The following RBFOX1 variants were observed in gnomAD, a reference collection of about 807,000 sequenced individuals.
The protein encoded by RBFOX1 is RNA binding protein fox-1 homolog 1.
RBFOX1 carries 8 observed loss-of-function variants against 57.7 expected under a neutral mutation model. That is an observed-to-expected ratio of 0.14 (90% CI 0.08 to 0.25). The LOEUF (loss-of-function observed/expected upper bound fraction) is 0.25. Ranked by LOEUF, RBFOX1 falls within the 10% of genes least tolerant of loss-of-function variation. The pLI is 1.00. For missense variants in RBFOX1, 611 were observed against 548.5 expected (o/e 1.11, Z -1.14); for synonymous variants, 326 against 222.4 (o/e 1.47, Z -4.15).
At chr16:5,915,456 C>A (rs17138927) in intron 4 of RBFOX1, among the ~76,000 whole-genome samples, 1,785 of 152,258 alleles carry the variant, frequency 0.012, 36 homozygotes, top group African/African-American at 0.041. Flanking sequence ...CCTACTTATT[C>A]CTTGGGGCTA....
intron 3 of RBFOX1, among the ~76,000 whole-genome samples, chr16:6,885,295 T>C (rs911392883): frequency 6.6e-6 from 1 of 152,162 alleles, no homozygotes; most frequent in Non-Finnish European, 1.5e-5. Context: ...GTGTTCTCTA[T>C]CCTCGCTGCA....
chr16:7,046,240 GT>G (rs2047894313), intron 3 of RBFOX1, among the ~76,000 whole-genome samples: 2 of 127,892 alleles, frequency 1.6e-5, no homozygotes, highest in African/African-American at 7.4e-5. Flanking sequence ...GTAAAGGGGT[GT>G]GTGTGTGTGT....
chr16:6,303,919 C>T (rs1377602954), intron 1 of RBFOX1, among the ~76,000 whole-genome samples: 1 of 139,520 alleles, frequency 7.2e-6, no homozygotes, highest in Non-Finnish European at 1.5e-5. Context: ...TCAAGTGATT[C>T]TCTTGCCTCA....
chr16:6,495,375 C>A (rs771915289), intron 2 of RBFOX1, among the ~76,000 whole-genome samples: 6 of 151,822 alleles, frequency 4.0e-5, no homozygotes, highest in Admixed American at 3.3e-4. Flanking sequence ...GCCCCCCGCC[C>A]CCGCCTTGGC....
intron 2 of RBFOX1, among the ~76,000 whole-genome samples, chr16:6,336,435 C>G (rs1488090500): frequency 6.6e-6 from 1 of 151,568 alleles, no homozygotes; most frequent in Non-Finnish European, 1.5e-5. Flanking sequence ...GACCCTATGG[C>G]TCTGAGAAGT....
chr16:6,665,496 G>C (rs540914378), intron 3 of RBFOX1, among the ~76,000 whole-genome samples: 2 of 151,934 alleles, frequency 1.3e-5, no homozygotes, highest in Admixed American at 6.6e-5. Context: ...ATAGTGACAG[G>C]CACCTGTAAT....
intron 3 of RBFOX1, among the ~76,000 whole-genome samples, chr16:5,753,912 T>A (rs1014418044): frequency 2.0e-5 from 3 of 151,894 alleles, no homozygotes; most frequent in Non-Finnish European, 4.4e-5. Context: ...GCAGGGACAA[T>A]ACAGGATTCT....
At chr16:6,529,066 A>AT (rs1407949606) in intron 2 of RBFOX1, among the ~76,000 whole-genome samples, 2 of 152,076 alleles carry the variant, frequency 1.3e-5, no homozygotes, top group African/African-American at 4.8e-5. Flanking sequence ...AAACAAAAAA[A>AT]CTTCTTGTAA....
At chr16:5,316,912 G>T (rs1313296869) in intron 1 of RBFOX1, among the ~76,000 whole-genome samples, 3 of 152,094 alleles carry the variant, frequency 2.0e-5, no homozygotes, top group Non-Finnish European at 2.9e-5. Context: ...CAATTGGCTG[G>T]GGTCTCAGAG....
chr16:7,409,596 T>C (rs893864668), intron 4 of RBFOX1, among the ~76,000 whole-genome samples: 4 of 152,330 alleles, frequency 2.6e-5, no homozygotes, highest in African/African-American at 7.2e-5. Context: ...GCGTAATACA[T>C]ATTACGTTCG....
chr16:7,213,500 A>G (rs377089862), intron 4 of RBFOX1, among the ~76,000 whole-genome samples: 389 of 152,164 alleles, frequency 2.6e-3, no homozygotes, highest in African/African-American at 9.0e-3. Context: ...ATGAATGAGT[A>G]TTTAGTAAAG....
intron 3 of RBFOX1, among the ~76,000 whole-genome samples, chr16:6,864,054 T>G (rs939420000): frequency 6.6e-6 from 1 of 151,198 alleles, no homozygotes; most frequent in Non-Finnish European, 1.5e-5. Context: ...TAGCAAAAGC[T>G]GAACCTTCTT....
At chr16:6,592,920 C>G (rs536260533) in intron 2 of RBFOX1, among the ~76,000 whole-genome samples, 2 of 152,012 alleles carry the variant, frequency 1.3e-5, no homozygotes. Context: ...TGGCTGGGCA[C>G]GGTGGCTCAT....
chr16:7,352,277 C>A (rs1048476835), intron 4 of RBFOX1, among the ~76,000 whole-genome samples: 1 of 152,150 alleles, frequency 6.6e-6, no homozygotes, highest in Admixed American at 6.5e-5. Context: ...AATCTTTGCA[C>A]GTGTCTTTAA....
chr16:5,988,027 C>T (rs1458737973), intron 4 of RBFOX1, among the ~76,000 whole-genome samples: 1 of 152,174 alleles, frequency 6.6e-6, no homozygotes, highest in Non-Finnish European at 1.5e-5. Context: ...GCCCACAGTA[C>T]TTCACCAGCT....
chr16:7,019,840 C>G (rs1187741213), intron 3 of RBFOX1, among the ~76,000 whole-genome samples: 2 of 152,184 alleles, frequency 1.3e-5, no homozygotes, highest in African/African-American at 2.4e-5. Context: ...TCTAGCTGTT[C>G]CACACCTCCC....
At chr16:6,934,052 G>T (rs1026406217) in intron 3 of RBFOX1, among the ~76,000 whole-genome samples, 1 of 152,184 alleles carries the variant, frequency 6.6e-6, no homozygotes, top group Non-Finnish European at 1.5e-5. Context: ...GCTGCTGTCC[G>T]AGAGGCCTTG....
At chr16:6,846,965 G>T (rs921163839) in intron 3 of RBFOX1, among the ~76,000 whole-genome samples, 1 of 152,002 alleles carries the variant, frequency 6.6e-6, no homozygotes, top group Non-Finnish European at 1.5e-5. Context: ...ATGTCTTTGG[G>T]GGCAAAGTGA....
chr16:7,363,576 T>G (rs1021801622), intron 4 of RBFOX1, among the ~76,000 whole-genome samples: 6 of 152,132 alleles, frequency 3.9e-5, no homozygotes, highest in African/African-American at 1.2e-4. Flanking sequence ...GTCGCCTGGC[T>G]TTTAAGGCAG....
Sources: allele counts gnomAD v4.1 joint callset (sites outside exome capture counted in the v4.1 genomes callset), GRCh38; gene constraint gnomAD v4.1.1; transcripts MANE v1.5; gene names NCBI Gene and HGNC (gene_info 2026-07-23, HGNC 2026-07-21).